The following ADAMTS3 variants were observed in gnomAD, a reference collection of about 807,000 sequenced individuals.
The protein encoded by ADAMTS3 is A disintegrin and metalloproteinase with thrombospondin motifs 3.
A neutral mutation model predicts 129.0 loss-of-function variants in ADAMTS3; 73 were observed. That is an observed-to-expected ratio of 0.57 (90% CI 0.47 to 0.69). The LOEUF is 0.69. ADAMTS3 is among the 30% of genes least tolerant of loss of function. The pLI is 0.00. For missense variants in ADAMTS3, 1,457 were observed against 1,514.5 expected (o/e 0.96, Z 0.63); for synonymous variants, 477 against 510.8 (o/e 0.93, Z 0.89).
At chr4:72,376,217 G>A (rs948950324) in intron 4 of ADAMTS3, among the ~76,000 whole-genome samples, 2 of 152,082 alleles carry the variant, frequency 1.3e-5, no homozygotes, top group East Asian at 3.9e-4. Flanking sequence ...TGAACAATGG[G>A]GATTTATTGC....
chr4:72,422,813 G>A (rs1422513781), intron 3 of ADAMTS3, among the ~76,000 whole-genome samples: 1 of 152,140 alleles, frequency 6.6e-6, no homozygotes, highest in Non-Finnish European at 1.5e-5. Context: ...GGAACAAGGG[G>A]TGTGGGATAT....
chr4:72,421,889 G>T (rs1247665287), intron 3 of ADAMTS3, among the ~76,000 whole-genome samples: 3 of 151,832 alleles, frequency 2.0e-5, no homozygotes, highest in Non-Finnish European at 2.9e-5. Flanking sequence ...CTTAAGAAAG[G>T]AAAAAAATCA....
intron 3 of ADAMTS3, among the ~76,000 whole-genome samples, chr4:72,509,434 C>T (rs1281273402): frequency 6.7e-6 from 1 of 150,118 alleles, no homozygotes. Flanking sequence ...GAAAAACAGA[C>T]ATTACAACAA....
chr4:72,415,786 A>G (rs541661317), intron 3 of ADAMTS3, among the ~76,000 whole-genome samples: 23 of 152,192 alleles, frequency 1.5e-4, no homozygotes, highest in Admixed American at 3.9e-4. Context: ...CTAAAATGCG[A>G]TATTTCTTAA....
chr4:72,375,326 C>A (rs1459200253), intron 4 of ADAMTS3, among the ~76,000 whole-genome samples: 1 of 152,158 alleles, frequency 6.6e-6, no homozygotes, highest in African/African-American at 2.4e-5. Flanking sequence ...TCTGTGTATC[C>A]AATTCCACAA....
chr4:72,461,156 A>T (rs1308771763), intron 3 of ADAMTS3, among the ~76,000 whole-genome samples: 3 of 151,770 alleles, frequency 2.0e-5, no homozygotes, highest in Non-Finnish European at 4.4e-5. Flanking sequence ...ATGAACTATG[A>T]AAAACCCATT....
chr4:72,453,599 A>G (rs1330287524), intron 3 of ADAMTS3, among the ~76,000 whole-genome samples: 1 of 151,694 alleles, frequency 6.6e-6, no homozygotes, highest in African/African-American at 2.4e-5. Flanking sequence ...AAGATTTAAA[A>G]TTAGATAAAT....
chr4:72,446,508 A>T (rs1718256962), intron 3 of ADAMTS3, among the ~76,000 whole-genome samples: 1 of 151,788 alleles, frequency 6.6e-6, no homozygotes, highest in Admixed American at 6.6e-5. Flanking sequence ...ACTCTCACCA[A>T]GAAAACAGCG....
intron 10 of ADAMTS3, among the ~76,000 whole-genome samples, chr4:72,317,419 C>A (rs961919866): frequency 6.6e-6 from 1 of 150,726 alleles, no homozygotes; most frequent in Admixed American, 6.7e-5. Flanking sequence ...GAAACACTTA[C>A]GTTCCTTGCT....
chr4:72,304,616 T>C (rs996014655), intron 16 of ADAMTS3, among the ~76,000 whole-genome samples: 3 of 152,048 alleles, frequency 2.0e-5, no homozygotes, highest in East Asian at 1.9e-4. Flanking sequence ...CACCTACTCA[T>C]ATAGTTAGAA....
At chr4:72,321,373 G>C (rs1477696394) in intron 6 of ADAMTS3, among the ~76,000 whole-genome samples, 1 of 151,644 alleles carries the variant, frequency 6.6e-6, no homozygotes, top group Non-Finnish European at 1.5e-5. Flanking sequence ...AGTAGAGATG[G>C]GGTTTCACCA....
intron 3 of ADAMTS3, among the ~76,000 whole-genome samples, chr4:72,520,545 G>T (rs1208819260): frequency 6.6e-6 from 1 of 152,234 alleles, no homozygotes; most frequent in Non-Finnish European, 1.5e-5. Flanking sequence ...CTGGGCAATG[G>T]CGGGCGCCCC....
chr4:72,305,163 T>C (rs1407574195), intron 16 of ADAMTS3, among the ~76,000 whole-genome samples: 2 of 152,174 alleles, frequency 1.3e-5, no homozygotes, highest in East Asian at 3.9e-4. Flanking sequence ...ATGTTTACAC[T>C]TGTCTATACA....
chr4:72,299,031 A>G (rs898862190), intron 17 of ADAMTS3, among the ~76,000 whole-genome samples: 1 of 149,452 alleles, frequency 6.7e-6, no homozygotes, highest in Non-Finnish European at 1.5e-5. Flanking sequence ...TTATTGTGAT[A>G]GTCCCTCAAG....
intron 19 of ADAMTS3, among the ~76,000 whole-genome samples, chr4:72,291,383 T>G (rs1222153872): frequency 6.6e-6 from 1 of 150,674 alleles, no homozygotes; most frequent in Admixed American, 6.6e-5. Flanking sequence ...GTATATCTTC[T>G]AATACTATCC....
chr4:72,515,909 T>C (rs1380967792), intron 3 of ADAMTS3, among the ~76,000 whole-genome samples: 1 of 152,204 alleles, frequency 6.6e-6, no homozygotes, highest in Non-Finnish European at 1.5e-5. Context: ...GAAGTCCTTG[T>C]GCATGCCTAT....
chr4:72,300,389 G>C (rs1718919263), intron 17 of ADAMTS3, among the ~76,000 whole-genome samples: 1 of 152,026 alleles, frequency 6.6e-6, no homozygotes, highest in African/African-American at 2.4e-5. Context: ...TTAAGCATCA[G>C]GTCTCTAAAG....
chr4:72,468,780 T>A (rs1718987995), intron 3 of ADAMTS3, among the ~76,000 whole-genome samples: 2 of 151,966 alleles, frequency 1.3e-5, no homozygotes, highest in Non-Finnish European at 2.9e-5. Context: ...AAACTTAGAA[T>A]AGAATGTAAG....
chr4:72,474,122 C>G (rs1210087297), intron 3 of ADAMTS3, among the ~76,000 whole-genome samples: 2 of 152,148 alleles, frequency 1.3e-5, no homozygotes, highest in African/African-American at 2.4e-5. Flanking sequence ...TAAATAAAAT[C>G]CAGAGTCTCA....
Sources: gnomAD v4.1 joint callset for allele counts (sites outside exome capture counted in the v4.1 genomes callset) on GRCh38, gnomAD v4.1.1 for gene constraint, MANE v1.5 for transcripts, NCBI Gene and HGNC (gene_info 2026-07-23, HGNC 2026-07-21) for gene names.